C12orf42: variants seen among roughly 807,000 people sequenced by gnomAD.
C12orf42 encodes uncharacterized protein C12orf42.
In C12orf42, 25 loss-of-function variants were observed where a neutral mutation model predicts 21.6. The ratio of observed to expected loss-of-function variants is 1.16; its 90% CI spans 0.84 to 1.62. C12orf42 has a LOEUF of 1.62. C12orf42 is among the 40% of genes most tolerant of loss of function. The pLI, the probability that C12orf42 is intolerant of heterozygous loss-of-function variation, is 0.00. For missense variants in C12orf42, 483 were observed against 459.3 expected, an observed-to-expected ratio of 1.05 and a Z score of -0.47; for synonymous variants, 174 against 175.0, an observed-to-expected ratio of 0.99 and a Z score of 0.05.
At chr12:103,249,211 G>A (rs2034158865) in intron 10 of C12orf42, among the ~76,000 whole-genome samples, 2 of 152,014 alleles carry the variant, frequency 1.3e-5, no homozygotes, top group African/African-American at 4.8e-5. Context: ...GAATACTCAT[G>A]GAGATTAGAA....
chr12:103,476,736 T>C (rs1281099709), intron 2 of C12orf42, among the ~76,000 whole-genome samples: 2 of 152,314 alleles, frequency 1.3e-5, no homozygotes, highest in Non-Finnish European at 2.9e-5. Context: ...CATAGCAAGT[T>C]GTCCATAAAT....
At chr12:103,227,431 A>T in the C12orf42 span, among the ~76,000 whole-genome samples, 2 of 151,790 alleles carry the variant, frequency 1.3e-5, no homozygotes, top group African/African-American at 2.4e-5. Flanking sequence ...TGGGGCAGAG[A>T]TAAGAGGTTG....
At chr12:103,431,799 T>C (rs910767704) in intron 2 of C12orf42, among the ~76,000 whole-genome samples, 7 of 152,196 alleles carry the variant, frequency 4.6e-5, no homozygotes, top group Non-Finnish European at 8.8e-5. Flanking sequence ...CACCAAAGTA[T>C]GCTAGTGGCA....
chr12:103,211,129 C>A, the C12orf42 span, among the ~76,000 whole-genome samples: 9 of 152,096 alleles, frequency 5.9e-5, no homozygotes, highest in African/African-American at 2.2e-4. Flanking sequence ...TCTGGGTTTT[C>A]TCTCTTGCTT....
intron 10 of C12orf42, among the ~76,000 whole-genome samples, chr12:103,246,647 T>C (rs907642419): frequency 2.0e-5 from 3 of 152,122 alleles, no homozygotes; most frequent in Admixed American, 1.3e-4. Flanking sequence ...AGATTTAATA[T>C]CTTTTTAAAG....
At chr12:103,371,132 C>T (rs1460827899) in intron 3 of C12orf42, among the ~76,000 whole-genome samples, 2 of 152,114 alleles carry the variant, frequency 1.3e-5, no homozygotes, top group African/African-American at 2.4e-5. Flanking sequence ...ATCAAATCAT[C>T]CCTGCATAAG....
chr12:103,508,312 G>A, the C12orf42 span, among the ~76,000 whole-genome samples: 1 of 152,268 alleles, frequency 6.6e-6, no homozygotes, highest in African/African-American at 2.4e-5. Context: ...TGAGTGGAAG[G>A]ATTATTTTCC....
chr12:103,532,947 C>T, the C12orf42 span, among the ~76,000 whole-genome samples: 1 of 152,172 alleles, frequency 6.6e-6, no homozygotes, highest in Non-Finnish European at 1.5e-5. Flanking sequence ...ACGGAGACAA[C>T]GGGGAATTGT....
chr12:103,346,440 T>A (rs955492044), intron 4 of C12orf42, among the ~76,000 whole-genome samples: 9 of 152,190 alleles, frequency 5.9e-5, no homozygotes, highest in Non-Finnish European at 1.2e-4. Flanking sequence ...AATGTGTATA[T>A]TTATGGTATA....
chr12:103,301,395 T>C (rs183876633), downstream of C12orf42, among the ~76,000 whole-genome samples: 2 of 152,298 alleles, frequency 1.3e-5, no homozygotes, highest in East Asian at 3.9e-4. Context: ...ATTGATAAAG[T>C]TGGTCTCAGA....
the C12orf42 span, among the ~76,000 whole-genome samples, chr12:103,200,410 T>C: frequency 1.3e-5 from 2 of 152,340 alleles, no homozygotes; most frequent in East Asian, 3.9e-4. Flanking sequence ...ATTTACTGTA[T>C]ATTATAGCAC....
chr12:103,092,269 C>T, the C12orf42 span, among the ~76,000 whole-genome samples: 3 of 152,130 alleles, frequency 2.0e-5, no homozygotes, highest in Non-Finnish European at 2.9e-5. Context: ...TAGGATGTTC[C>T]GGGGGATATG....
At chr12:103,434,935 A>G (rs935229884) in intron 2 of C12orf42, among the ~76,000 whole-genome samples, 26 of 152,224 alleles carry the variant, frequency 1.7e-4, no homozygotes, top group African/African-American at 5.8e-4. Flanking sequence ...TGCAGGCTCC[A>G]CCTCGGGGGG....
chr12:103,198,298 G>A, the C12orf42 span, among the ~76,000 whole-genome samples: 1 of 152,176 alleles, frequency 6.6e-6, no homozygotes, highest in Non-Finnish European at 1.5e-5. Context: ...TGCCAGAGAA[G>A]GAGCTATGAC....
the C12orf42 span, among the ~76,000 whole-genome samples, chr12:103,191,785 C>T: frequency 1.3e-5 from 2 of 149,768 alleles, no homozygotes; most frequent in Admixed American, 1.3e-4. Context: ...ATATTAAGAG[C>T]TATAACCATA....
chr12:103,496,796 A>G (rs565361720), upstream of C12orf42, among the ~76,000 whole-genome samples: 10 of 109,522 alleles, frequency 9.1e-5, no homozygotes, highest in South Asian at 2.9e-4. Flanking sequence ...ACCCACATCT[A>G]AAATATTTCT....
the C12orf42 span, among the ~76,000 whole-genome samples, chr12:103,179,982 A>G: frequency 6.6e-6 from 1 of 152,242 alleles, no homozygotes; most frequent in East Asian, 1.9e-4. Context: ...AAGGTGAAGG[A>G]GGAGAGGAGA....
the C12orf42 span, among the ~76,000 whole-genome samples, chr12:103,184,048 T>C: frequency 6.6e-6 from 1 of 152,252 alleles, no homozygotes; most frequent in Non-Finnish European, 1.5e-5. Flanking sequence ...TTGCCACTGC[T>C]AATATATAAT....
intron 2 of C12orf42, among the ~76,000 whole-genome samples, chr12:103,449,259 T>C (rs1003011938): frequency 1.3e-5 from 2 of 152,040 alleles, no homozygotes; most frequent in Non-Finnish European, 2.9e-5. Context: ...AAACATTGTA[T>C]GTTCTCAATC....
Sources: gnomAD v4.1 joint callset for allele counts (sites outside exome capture counted in the v4.1 genomes callset) on GRCh38, gnomAD v4.1.1 for gene constraint, MANE v1.5 for transcripts, NCBI Gene and HGNC (gene_info 2026-07-23, HGNC 2026-07-21) for gene names.